Variants in RIN2 observed in about 807,000 individuals in gnomAD.
The protein encoded by RIN2 is Ras and Rab interactor 2.
RIN2 carries 36 observed loss-of-function variants against 78.0 expected under a neutral mutation model. The observed-to-expected ratio is 0.46, with a 90% CI of 0.35 to 0.61. The LOEUF is 0.61. Ranked by LOEUF, RIN2 falls within the 20% of genes least tolerant of loss-of-function variation. The pLI, the probability that RIN2 is intolerant of heterozygous loss-of-function variation, is 0.00. For missense variants in RIN2, 1,087 were observed against 1,159.7 expected (o/e 0.94, Z 0.91); for synonymous variants, 466 against 466.8 (o/e 1.00, Z 0.02).
chr20:19,823,693 G>A, intron 2 of RIN2: 1 of 1,583,944 alleles, frequency 6.3e-7, no homozygotes, highest in Non-Finnish European at 8.6e-7. Context: ...TTCCTTGAGG[G>A]CTTTGATGAT....
At chr20:19,853,073 C>T (rs1217070947) in intron 2 of RIN2, among the ~76,000 whole-genome samples, 18 of 145,992 alleles carry the variant, frequency 1.2e-4, no homozygotes, top group Non-Finnish European at 1.3e-4. Context: ...TGATGTTCCC[C>T]TTCCTGTGTC....
intron 2 of RIN2, among the ~76,000 whole-genome samples, chr20:19,826,689 T>C (rs895019698): frequency 5.3e-5 from 8 of 152,202 alleles, no homozygotes; most frequent in African/African-American, 1.9e-4. Context: ...GTTCAATCCT[T>C]ATCCTGGTTT....
intron 4 of RIN2, among the ~76,000 whole-genome samples, chr20:19,940,426 A>G (rs576329079): frequency 1.3e-5 from 2 of 152,346 alleles, no homozygotes; most frequent in South Asian, 2.1e-4. Flanking sequence ...CTTCCTCCCT[A>G]GCAAAGAAAT....
intron 4 of RIN2, among the ~76,000 whole-genome samples, chr20:19,938,164 G>A (rs932162273): frequency 6.6e-6 from 1 of 152,124 alleles, no homozygotes; most frequent in African/African-American, 2.4e-5. Context: ...CTCCAGCCCT[G>A]GAGAACCCAG....
chr20:19,894,565 T>C (rs964727243), intron 3 of RIN2, among the ~76,000 whole-genome samples: 1 of 152,216 alleles, frequency 6.6e-6, no homozygotes, highest in African/African-American at 2.4e-5. Context: ...ATCCTCTTCA[T>C]GTCTCCAAAG....
At chr20:19,855,045 G>A (rs950971567) in intron 2 of RIN2, among the ~76,000 whole-genome samples, 1 of 152,128 alleles carries the variant, frequency 6.6e-6, no homozygotes, top group African/African-American at 2.4e-5. Flanking sequence ...ATTATTTTGA[G>A]ATACGTCCCA....
chr20:19,851,449 A>G (rs780167163), intron 2 of RIN2, among the ~76,000 whole-genome samples: 46 of 152,102 alleles, frequency 3.0e-4, no homozygotes, highest in Non-Finnish European at 5.3e-4. Flanking sequence ...GGGGCTGGGC[A>G]TGATGGCTCA....
chr20:19,859,859 T>C (rs1167189389), intron 2 of RIN2, among the ~76,000 whole-genome samples: 2 of 152,180 alleles, frequency 1.3e-5, no homozygotes, highest in African/African-American at 2.4e-5. Context: ...TTGGGAGTCA[T>C]GGATTCAAGT....
At chr20:19,876,250 A>C (rs2037851101) in intron 2 of RIN2, among the ~76,000 whole-genome samples, 1 of 152,190 alleles carries the variant, frequency 6.6e-6, no homozygotes, top group Non-Finnish European at 1.5e-5. Flanking sequence ...ATCCAGAAAT[A>C]ATGCACAGCT....
At chr20:19,823,916 T>G in intron 2 of RIN2, 1 of 1,587,802 alleles carries the variant, frequency 6.3e-7, no homozygotes. Flanking sequence ...ACGACTTTGA[T>G]CTCGTTCGGG....
At chr20:19,955,539 G>T (rs900448677) in intron 4 of RIN2, among the ~76,000 whole-genome samples, 16 of 152,112 alleles carry the variant, frequency 1.1e-4, no homozygotes, top group Admixed American at 9.2e-4. Flanking sequence ...ATTTCGTCAG[G>T]TTCCACGGGC....
At chr20:19,867,520 G>A (rs184020581) in intron 2 of RIN2, among the ~76,000 whole-genome samples, 53 of 152,228 alleles carry the variant, frequency 3.5e-4, no homozygotes, top group African/African-American at 1.1e-3. Flanking sequence ...TGTATCCTTA[G>A]CTTTTGTTGC....
At chr20:19,905,997 CA>C (rs2039204515) in intron 3 of RIN2, among the ~76,000 whole-genome samples, 3 of 152,114 alleles carry the variant, frequency 2.0e-5, no homozygotes, top group South Asian at 4.2e-4. Flanking sequence ...CTCTATTTCA[CA>C]AACAAACAAA....
intron 2 of RIN2, among the ~76,000 whole-genome samples, chr20:19,848,561 G>A (rs1191648345): frequency 6.6e-6 from 1 of 150,476 alleles, no homozygotes; most frequent in Non-Finnish European, 1.5e-5. Context: ...AAAAAAGAGT[G>A]GGGTCTCTTC....
At chr20:19,920,438 A>G (rs1468218439) in intron 3 of RIN2, among the ~76,000 whole-genome samples, 8 of 152,190 alleles carry the variant, frequency 5.3e-5, no homozygotes, top group African/African-American at 1.9e-4. Flanking sequence ...TCCAGAGGTC[A>G]TGGAGTAATC....
intron 2 of RIN2, among the ~76,000 whole-genome samples, chr20:19,862,556 G>A (rs2037376374): frequency 6.6e-6 from 1 of 152,162 alleles, no homozygotes; most frequent in Non-Finnish European, 1.5e-5. Context: ...TCGTGCCACT[G>A]CACTCCAGCC....
intron 3 of RIN2, among the ~76,000 whole-genome samples, chr20:19,925,584 A>G (rs1021755291): frequency 3.9e-5 from 6 of 152,256 alleles, no homozygotes; most frequent in African/African-American, 1.4e-4. Context: ...TAAAAAATCA[A>G]GAAACCACAA....
At chr20:19,811,843 A>G (rs989845541) in intron 2 of RIN2, among the ~76,000 whole-genome samples, 1 of 149,210 alleles carries the variant, frequency 6.7e-6, no homozygotes, top group Non-Finnish European at 1.5e-5. Flanking sequence ...ATATGCTCCC[A>G]TTTTAAAAAA....
chr20:19,956,830 G>T (rs1012746772), intron 5 of RIN2, 23 bp downstream of exon 5: 1 of 1,514,094 alleles, frequency 6.6e-7, no homozygotes. Flanking sequence ...ACCTCGGGAA[G>T]CAGGTTGAAG....
Sources: allele counts gnomAD v4.1 joint callset (sites outside exome capture counted in the v4.1 genomes callset), GRCh38; gene constraint gnomAD v4.1.1; transcripts MANE v1.5; gene names NCBI Gene and HGNC (gene_info 2026-07-23, HGNC 2026-07-21).